ARB2A: variants seen among roughly 807,000 people sequenced by gnomAD.
The protein encoded by ARB2A is cotranscriptional regulator ARB2A.
the ARB2A span, among the ~76,000 whole-genome samples, chr5:93,839,280 G>A: frequency 2.6e-5 from 4 of 152,024 alleles, no homozygotes; most frequent in Admixed American, 6.6e-5. Flanking sequence ...AGGCTTTTCC[G>A]CATCTATTAA....
At chr5:93,847,451 C>T in the ARB2A span, among the ~76,000 whole-genome samples, 1 of 151,948 alleles carries the variant, frequency 6.6e-6, no homozygotes, top group African/African-American at 2.4e-5. Context: ...TAAAAAATTT[C>T]TCATGTATAG....
chr5:94,101,282 T>G, the ARB2A span, among the ~76,000 whole-genome samples: 1 of 152,134 alleles, frequency 6.6e-6, no homozygotes, highest in African/African-American at 2.4e-5. Context: ...GAATGGCTAT[T>G]ATTAAAAAGT....
chr5:93,975,417 G>C, the ARB2A span, among the ~76,000 whole-genome samples: 2 of 150,886 alleles, frequency 1.3e-5, no homozygotes, highest in African/African-American at 4.9e-5. Context: ...TAAATTCAAA[G>C]CTGGTAGAAG....
chr5:94,026,940 A>C, the ARB2A span, among the ~76,000 whole-genome samples: 1 of 152,218 alleles, frequency 6.6e-6, no homozygotes, highest in Non-Finnish European at 1.5e-5. Context: ...CTGAAGATCT[A>C]TCTACTGAAG....
the ARB2A span, among the ~76,000 whole-genome samples, chr5:93,908,345 T>A: frequency 6.6e-6 from 1 of 150,938 alleles, no homozygotes; most frequent in African/African-American, 2.4e-5. Context: ...ATATATTAGT[T>A]TTATTAAAAG....
the ARB2A span, among the ~76,000 whole-genome samples, chr5:94,104,187 A>G: frequency 2.4e-4 from 37 of 151,996 alleles, no homozygotes; most frequent in African/African-American, 7.0e-4. Flanking sequence ...GACATGAAAA[A>G]CTATACAAAA....
At chr5:93,884,401 C>T in the ARB2A span, among the ~76,000 whole-genome samples, 27 of 151,586 alleles carry the variant, frequency 1.8e-4, no homozygotes, top group African/African-American at 4.8e-4. Flanking sequence ...ATTTATATAT[C>T]ATCAAAGAAG....
the ARB2A span, among the ~76,000 whole-genome samples, chr5:93,757,275 G>C: frequency 6.6e-6 from 1 of 152,148 alleles, no homozygotes; most frequent in Non-Finnish European, 1.5e-5. Flanking sequence ...TGAGGAAGAA[G>C]AGAATTCTAA....
the ARB2A span, chr5:93,683,330 T>C: frequency 6.2e-7 from 1 of 1,604,252 alleles, no homozygotes; most frequent in South Asian, 1.1e-5. Flanking sequence ...CACATCCTCC[T>C]CCTCTTCATC....
chr5:93,753,317 A>G, the ARB2A span, among the ~76,000 whole-genome samples: 8 of 152,202 alleles, frequency 5.3e-5, no homozygotes, highest in Non-Finnish European at 1.2e-4. Flanking sequence ...TCATTTCCTC[A>G]AGAGGTATTT....
At chr5:94,042,233 T>C in the ARB2A span, among the ~76,000 whole-genome samples, 1 of 152,096 alleles carries the variant, frequency 6.6e-6, no homozygotes, top group South Asian at 2.1e-4. Flanking sequence ...TATTATTCAG[T>C]TTTTCTGTAA....
At chr5:93,702,125 C>G in the ARB2A span, among the ~76,000 whole-genome samples, 1 of 152,152 alleles carries the variant, frequency 6.6e-6, no homozygotes, top group Non-Finnish European at 1.5e-5. Context: ...CCTTGGGAAT[C>G]AATGAACATT....
the ARB2A span, among the ~76,000 whole-genome samples, chr5:93,899,160 G>A: frequency 1.3e-5 from 2 of 152,010 alleles, no homozygotes; most frequent in African/African-American, 2.4e-5. Context: ...GGCACTTCTG[G>A]CATTAACTCT....
the ARB2A span, among the ~76,000 whole-genome samples, chr5:93,900,161 CAT>C: frequency 2.6e-5 from 4 of 151,976 alleles, no homozygotes; most frequent in Admixed American, 2.0e-4. Context: ...TTGAAAGTAA[CAT>C]AAATACTTTT....
At chr5:93,749,447 C>T in the ARB2A span, among the ~76,000 whole-genome samples, 1 of 152,092 alleles carries the variant, frequency 6.6e-6, no homozygotes, top group Admixed American at 6.5e-5. Context: ...TCAACTAAAC[C>T]ATGGTAGCAA....
the ARB2A span, among the ~76,000 whole-genome samples, chr5:93,853,584 G>A: frequency 1.3e-5 from 2 of 152,150 alleles, no homozygotes; most frequent in South Asian, 2.1e-4. Context: ...GTATGATATT[G>A]GCTGTGGGTT....
At chr5:93,917,739 C>A in the ARB2A span, among the ~76,000 whole-genome samples, 2 of 152,030 alleles carry the variant, frequency 1.3e-5, no homozygotes, top group Non-Finnish European at 2.9e-5. Flanking sequence ...ATTAGCCACA[C>A]ATGGCAGCAC....
the ARB2A span, among the ~76,000 whole-genome samples, chr5:94,002,807 CAT>C: frequency 1.3e-5 from 2 of 151,714 alleles, no homozygotes; most frequent in African/African-American, 4.8e-5. Flanking sequence ...ACAAAACTAA[CAT>C]ATTTTCAAAG....
the ARB2A span, chr5:93,736,812 G>A: frequency 6.6e-6 from 1 of 152,138 alleles, no homozygotes; most frequent in African/African-American, 2.4e-5. Flanking sequence ...TCCTCAACAT[G>A]TAGAGTACGT....
Sources: allele counts gnomAD v4.1 joint callset (sites outside exome capture counted in the v4.1 genomes callset), GRCh38; gene constraint gnomAD v4.1.1; transcripts MANE v1.5; gene names NCBI Gene and HGNC (gene_info 2026-07-23, HGNC 2026-07-21).